ARMC9: variants seen among roughly 807,000 people sequenced by gnomAD.
ARMC9 encodes the protein lisH domain-containing protein ARMC9.
ARMC9 carries 94 observed loss-of-function variants against 107.0 expected under a neutral mutation model. The ratio of observed to expected loss-of-function variants is 0.88; its 90% CI spans 0.74 to 1.04. The LOEUF (loss-of-function observed/expected upper bound fraction) is 1.04, where lower values mean the gene tolerates loss of function less well. Ranked by LOEUF, ARMC9 falls within the 50% of genes least tolerant of loss-of-function variation. The pLI is 0.00. For missense variants in ARMC9, 942 were observed against 1,030.1 expected (o/e 0.91, Z 1.17); for synonymous variants, 380 against 396.9 (o/e 0.96, Z 0.51).
At position 231,270,965 on chromosome 2, in the gene ARMC9, T is replaced by G; in HGVS notation, c.1120-17T>G. 1.9e-6 allele frequency: 3 copies of G among 1,613,292 alleles called. No homozygotes were observed. The highest frequency in any genetic ancestry group is 2.2e-5 in the South Asian group (2 of 91,040). On this transcript the variant is annotated splice_polypyrimidine_tract_variant and intron_variant, in intron 12 of 24. Transcript: ENST00000611582. ...CGTGTTCTTAACCTTGTTTTTCCTC[T>G]TGACGTTTTCCCCCAGAGGAGTGTG...
chr2:231,206,624 A>G (rs1160769735), intron 2 of ARMC9, among the ~76,000 whole-genome samples: 1 of 152,214 alleles, frequency 6.6e-6, no homozygotes, highest in Admixed American at 6.5e-5. Flanking sequence ...AGTTTGTTTT[A>G]CAGAATGGGA....
chr2:231,333,240 G>A (rs2043859710), intron 20 of ARMC9, among the ~76,000 whole-genome samples: 1 of 152,226 alleles, frequency 6.6e-6, no homozygotes, highest in Non-Finnish European at 1.5e-5. Flanking sequence ...TGTAGGTCAT[G>A]GCAAGGGTTT....
intron 22 of ARMC9, among the ~76,000 whole-genome samples, chr2:231,356,979 T>C (rs1034955668): frequency 2.0e-5 from 3 of 152,148 alleles, no homozygotes; most frequent in African/African-American, 7.2e-5. Context: ...ACATCCTTGC[T>C]TTACCAAAAT....
rs2045545939 is a variant in ARMC9, at chr2:231,360,889, G to A, written c.2261+6G>A. 6.6e-7 allele frequency: 1 copy of A among 1,522,934 alleles called. No homozygotes were observed. Among genetic ancestry groups the A allele is most frequent in the Non-Finnish European group, 8.8e-7 (1 of 1,140,908 alleles). The allele number at this position is 1,522,934 out of a possible 1,614,324, so 94.3% of individuals were successfully genotyped here. ...GGCAATGGAGTGACCACCAGGTAAG[G>A]GGGATATCACAAGGCCTCGAACCTG... On this transcript the variant is annotated splice_donor_region_variant and intron_variant, in intron 23 of 24. Transcript: ENST00000611582. This position sits in a 1 kb window ranked among gnomAD's most constrained non-coding sequence, Gnocchi z 4.7.
intron 20 of ARMC9, among the ~76,000 whole-genome samples, chr2:231,344,622 G>A (rs1459031961): frequency 2.6e-5 from 4 of 152,196 alleles, no homozygotes; most frequent in African/African-American, 4.8e-5. Context: ...GGAAATGTTC[G>A]TATTTTTATG....
chr2:231,256,248 G>C (rs1048299963), intron 9 of ARMC9: 191 of 1,546,242 alleles, frequency 1.2e-4, no homozygotes, highest in Non-Finnish European at 1.7e-4. Context: ...GGCCCCGTGC[G>C]CGAGGGCGAC....
chr2:231,213,849 G>C (rs764230444), intron 3 of ARMC9, among the ~76,000 whole-genome samples: 13 of 152,168 alleles, frequency 8.5e-5, no homozygotes, highest in Non-Finnish European at 1.5e-4. Flanking sequence ...TGGGGAAGTG[G>C]GGATTCTGTA....
At chr2:231,318,656 C>T (rs898561813) in intron 19 of ARMC9, among the ~76,000 whole-genome samples, 3 of 152,198 alleles carry the variant, frequency 2.0e-5, no homozygotes, top group Non-Finnish European at 4.4e-5. Context: ...AGTTCTCACC[C>T]AGTGCCCTAG....
Position 231,376,409 on chromosome 2 carries a change from C to T in ARMC9, c.*4874C>T, listed in dbSNP as rs758421102. ...AGAATGCACACCTGGGGGTGGGTCTCTGAACTGGCCCCCCTCCCCCGGGGG... is the reference window on the plus strand; with the variant it reads ...AGAATGCACACCTGGGGGTGGGTCTTTGAACTGGCCCCCCTCCCCCGGGGG... On this transcript the variant is annotated 3_prime_UTR_variant, in exon 25 of 25. Transcript: ENST00000611582. Among the ~76,000 whole-genome samples the T allele has an allele frequency of 6.6e-6, 1 of 152,146 alleles. No homozygotes were observed. Among genetic ancestry groups the T allele is most frequent in the African/African-American group, 2.4e-5 (1 of 41,418 alleles).
intron 1 of ARMC9, among the ~76,000 whole-genome samples, chr2:231,201,113 T>C (rs1314658932): frequency 6.6e-6 from 1 of 152,122 alleles, no homozygotes; most frequent in Non-Finnish European, 1.5e-5. Flanking sequence ...ATTGGAGGCA[T>C]GGTCCAGAAA....
chr2:231,333,985 T>C (rs1208434743), intron 20 of ARMC9, among the ~76,000 whole-genome samples: 2 of 152,184 alleles, frequency 1.3e-5, no homozygotes, highest in Non-Finnish European at 2.9e-5. Context: ...ATCATGCAGA[T>C]TGGTGAGGCG....
chr2:231,263,785 G>C (rs1294206642), intron 12 of ARMC9, among the ~76,000 whole-genome samples: 1 of 152,080 alleles, frequency 6.6e-6, no homozygotes. Context: ...TTATTTTCTT[G>C]CTTTTTTTTC....
chr2:231,314,111 C>T (rs2125519803), intron 19 of ARMC9, among the ~76,000 whole-genome samples: 1 of 147,568 alleles, frequency 6.8e-6, no homozygotes, highest in South Asian at 2.2e-4. Flanking sequence ...CGGAGTTTCA[C>T]TCTTATTGAC....
chr2:231,321,607 C>G (rs549321163), intron 19 of ARMC9, among the ~76,000 whole-genome samples: 1 of 152,164 alleles, frequency 6.6e-6, no homozygotes, highest in African/African-American at 2.4e-5. Context: ...TTCTTCTTAA[C>G]TAGCCCATCT....
At chr2:231,236,285 A>G (rs2035705955) in intron 8 of ARMC9, among the ~76,000 whole-genome samples, 1 of 152,218 alleles carries the variant, frequency 6.6e-6, no homozygotes, top group Non-Finnish European at 1.5e-5. Context: ...CTAGATTGAC[A>G]GTCATGTTAC....
Position 231,235,211 on chromosome 2 carries a change from ACTGTCTTCCTAGAAAT to A in ARMC9, c.623-10_628del. 1 of 1,606,646 alleles carries A rather than the reference ACTGTCTTCCTAGAAAT, an allele frequency of 6.2e-7. No homozygotes were observed. Among genetic ancestry groups the A allele is most frequent in the Non-Finnish European group, 8.5e-7 (1 of 1,176,776 alleles). Reference sequence around the variant, plus strand: ...ATTTTTATTGATGTTGTTTGTTTTAACTGTCTTCCTAGAAATCTTGCAGCAGCTCCACCAGCAGCTG... The same window carrying A: ...ATTTTTATTGATGTTGTTTGTTTTAACTTGCAGCAGCTCCACCAGCAGCTG... On this transcript the variant is annotated splice_acceptor_variant and splice_polypyrimidine_tract_variant and coding_sequence_variant and intron_variant, in exon 8 of 25. Transcript: ENST00000611582. LOFTEE classifies it high-confidence loss of function.
intron 19 of ARMC9, among the ~76,000 whole-genome samples, chr2:231,327,493 C>T (rs2043406040): frequency 6.6e-6 from 1 of 152,170 alleles, no homozygotes; most frequent in Non-Finnish European, 1.5e-5. Context: ...GAGATCCATC[C>T]AGGCTTGTGT....
intron 7 of ARMC9, among the ~76,000 whole-genome samples, chr2:231,233,690 C>T (rs1167709193): frequency 2.0e-5 from 3 of 151,926 alleles, no homozygotes; most frequent in East Asian, 1.9e-4. Context: ...TCAGGGGAAT[C>T]GCTTGAACCC....
chr2:231,337,270 GTATATA>G (rs770448501), intron 20 of ARMC9, among the ~76,000 whole-genome samples: 22 of 76,404 alleles, frequency 2.9e-4, no homozygotes, highest in African/African-American at 1.3e-3. Flanking sequence ...ACGTGTGTGT[GTATATA>G]TATATATATA....
Sources: allele counts gnomAD v4.1 joint callset (sites outside exome capture counted in the v4.1 genomes callset), GRCh38; gene constraint gnomAD v4.1.1; non-coding constraint Gnocchi (gnomAD v3.1); transcripts MANE v1.5; gene names NCBI Gene and HGNC (gene_info 2026-07-23, HGNC 2026-07-21).